The following ZNF716 variants were observed in gnomAD, a reference collection of about 807,000 sequenced individuals.
ZNF716 encodes zinc finger protein 716.
In ZNF716, 9 loss-of-function variants were observed where a neutral mutation model predicts 13.4. The observed-to-expected ratio is 0.67, with a 90% CI of 0.41 to 1.18. The LOEUF is 1.18. Among genes scored for constraint, ZNF716 ranks in the 50% most tolerant of loss-of-function variants. ZNF716 has a pLI of 0.01. For synonymous variants in ZNF716, 186 were observed against 195.2 expected, an observed-to-expected ratio of 0.95 and a Z score of 0.39; for missense variants, 581 against 576.6, an observed-to-expected ratio of 1.01 and a Z score of -0.08.
At chr7:57,451,384 C>G (rs1554321529) in intron 1 of ZNF716, among the ~76,000 whole-genome samples, 1 of 149,034 alleles carries the variant, frequency 6.7e-6, no homozygotes, top group African/African-American at 2.5e-5. Context: ...CCACCTCAGT[C>G]TAATTGGCTG....
At chr7:57,467,592 G>T (rs559101871) in intron 3 of ZNF716, among the ~76,000 whole-genome samples, 1 of 152,156 alleles carries the variant, frequency 6.6e-6, no homozygotes, top group African/African-American at 2.4e-5. Context: ...TGTCTCAGGG[G>T]ACTATGCTTA....
chr7:57,469,166 T>A lies in ZNF716; in HGVS notation c.705T>A (p.His235Gln). ...SSTLTRHKRI[H>Q]TGEKPYRCEE... ...CCCTTACTAGACATAAAAGAATTCA[T>A]ACTGGAGAGAAACCCTACAGATGTG... Residue 235 changes from histidine to glutamine, a missense_variant, in exon 4 of 4, where the codon CAT (histidine) becomes CAA (glutamine). Coordinates refer to ENST00000420713, the MANE Select transcript of ZNF716 (RefSeq NM_001159279.1). 1 of 1,612,470 alleles carries A rather than the reference T, an allele frequency of 6.2e-7. No individual in the cohort carries two copies. The highest frequency in any genetic ancestry group is 8.5e-7 in the Non-Finnish European group (1 of 1,179,224).
intron 1 of ZNF716, among the ~76,000 whole-genome samples, chr7:57,451,476 C>T (rs1789493542): frequency 7.5e-6 from 1 of 134,142 alleles, no homozygotes; most frequent in African/African-American, 2.9e-5. Context: ...GAGATAGAGC[C>T]TCGCAATGTT....
At chr7:57,455,635 G>C (rs1181001318) in intron 1 of ZNF716, among the ~76,000 whole-genome samples, 1 of 151,964 alleles carries the variant, frequency 6.6e-6, no homozygotes, top group Non-Finnish European at 1.5e-5. Flanking sequence ...TCTTGCCTCA[G>C]CCTCCCAAAT....
chr7:57,450,259 G>T lies in ZNF716; in HGVS notation c.-30G>T, dbSNP rs1187867299. On this transcript the variant is annotated 5_prime_UTR_variant, in exon 1 of 4. Coordinates refer to ENST00000420713, the MANE Select transcript of ZNF716 (RefSeq NM_001159279.1). Reference sequence around the variant, plus strand: ...TGCTCCTGGAGGCCAAGCCTCTGTGGCCTTGTGTCCTGCAAGTATTCGCAG... The same window carrying T: ...TGCTCCTGGAGGCCAAGCCTCTGTGTCCTTGTGTCCTGCAAGTATTCGCAG... 3 of 1,613,732 alleles carry T rather than the reference G, an allele frequency of 1.9e-6. No individual in the cohort carries two copies. The African/African-American group carries it at 4.0e-5, about 22-fold the overall frequency.
chr7:57,470,009 T>C lies in ZNF716; in HGVS notation c.*60T>C. 7.0e-7 allele frequency: 1 copy of C among 1,436,368 alleles called. No homozygotes were observed. Among genetic ancestry groups the C allele is most frequent in the South Asian group, 1.5e-5 (1 of 66,476 alleles). The allele number at this position is 1,436,368 out of a possible 1,614,324, so 89.0% of individuals were successfully genotyped here. A position where few individuals can be genotyped will look rare whatever the true frequency, so the allele number is the denominator to read the frequency against. On this transcript the variant is annotated 3_prime_UTR_variant, in exon 4 of 4. Transcript: ENST00000420713. ...ATAAAATAATTTATACTGGAAAAAA[T>C]CACTACAAGTGTGGAGAATGTGGCC...
chr7:57,461,929 G>A (rs1391645419), intron 1 of ZNF716, among the ~76,000 whole-genome samples: 3 of 152,152 alleles, frequency 2.0e-5, no homozygotes, highest in Non-Finnish European at 4.4e-5. Flanking sequence ...GGAGGCCGAG[G>A]TGGGTGGATC....
intron 3 of ZNF716, 48 bp from the exon 4 acceptor site, chr7:57,468,676 T>G (rs782740173): frequency 6.5e-7 from 1 of 1,544,816 alleles, no homozygotes; most frequent in South Asian, 1.3e-5. Flanking sequence ...AAAATATATT[T>G]ATCTGAGTGT....
At chr7:57,460,666 A>C (rs1789692356) in intron 1 of ZNF716, among the ~76,000 whole-genome samples, 1 of 152,012 alleles carries the variant, frequency 6.6e-6, no homozygotes, top group African/African-American at 2.4e-5. Context: ...AAATGTTCCT[A>C]TTGTAGCTGT....
At position 57,473,090 on chromosome 7, in the gene ZNF716, T is replaced by G. The variant is rs1789975417; in HGVS notation, c.*3141T>G. 6.6e-6 allele frequency: 1 copy of G among 152,216 alleles called. No homozygotes were observed. Among genetic ancestry groups the G allele is most frequent in the Non-Finnish European group, 1.5e-5 (1 of 68,044 alleles). 9.4% of individuals were successfully genotyped at this position (152,216 alleles called of 1,614,324 possible). A position where few individuals can be genotyped will look rare whatever the true frequency, so the allele number is the denominator to read the frequency against. On this transcript the variant is annotated 3_prime_UTR_variant, in exon 4 of 4. Coordinates refer to ENST00000420713, the MANE Select transcript of ZNF716 (RefSeq NM_001159279.1). ...GATCATAAAAATTACATGAGTATAA[T>G]TAATACCCATACATTTCTGAGTCTT...
rs782718285 is a variant in ZNF716 at position 57,468,908 on chromosome 7, G to T, written c.447G>T (p.Leu149Phe). ...KGGYNYVNQC[L>F]SATQNKTFQT... ...GTTATAATTATGTTAACCAATGTTT[G>T]TCAGCTACCCAAAACAAAACATTTC... The change falls in exon 4 of 4, where the codon TTG (leucine) becomes TTT (phenylalanine). Residue 149 changes from leucine (L) to phenylalanine (F), a missense_variant. Coordinates refer to ENST00000420713, the MANE Select transcript of ZNF716 (RefSeq NM_001159279.1). The T allele has an allele frequency of 6.2e-7, 1 of 1,610,084 alleles. No individual in the cohort carries two copies. Among genetic ancestry groups the T allele is most frequent in the Non-Finnish European group, 8.5e-7 (1 of 1,176,656 alleles).
At chr7:57,464,178 A>C (rs1411197670) in intron 3 of ZNF716, among the ~76,000 whole-genome samples, 2 of 132,428 alleles carry the variant, frequency 1.5e-5, no homozygotes, top group African/African-American at 5.7e-5. Context: ...CTGGAGTGCA[A>C]TGGTGCAATT....
In ZNF716 at chr7:57,468,867, G is replaced by A. The variant is rs781956725; in HGVS notation, c.406G>A (p.Glu136Lys). 10 of 1,613,520 alleles carry A rather than the reference G, an allele frequency of 6.2e-6. No individual in the cohort carries two copies. Among genetic ancestry groups the A allele is most frequent in the Admixed American group, 1.7e-5 (1 of 59,846 alleles). Reference sequence around the variant, plus strand: ...ATGCTGTAAAAGTGTAGGTGAGTGTGAGGTGCACAAAGGAGGTTATAATTA... The same window carrying A: ...ATGCTGTAAAAGTGTAGGTGAGTGTAAGGTGCACAAAGGAGGTTATAATTA... ...KKCCKSVGEC[E>K]VHKGGYNYVN... Residue 136 changes from glutamate (E) to lysine (K), a missense_variant, in exon 4 of 4, where the codon GAG becomes AAG. Physicochemically the swap from Glu to Lys is moderately conservative, Grantham distance 56 (BLOSUM62 1). Coordinates refer to ENST00000420713, the MANE Select transcript of ZNF716 (RefSeq NM_001159279.1).
At chr7:57,461,715 C>T (rs1364451009) in intron 1 of ZNF716, among the ~76,000 whole-genome samples, 5 of 152,182 alleles carry the variant, frequency 3.3e-5, no homozygotes, top group Non-Finnish European at 1.5e-5. Flanking sequence ...AACTCAGACT[C>T]TATCCCAAAT....
chr7:57,452,060 C>A (rs1448347328), intron 1 of ZNF716, among the ~76,000 whole-genome samples: 5 of 152,172 alleles, frequency 3.3e-5, no homozygotes, highest in Non-Finnish European at 2.9e-5. Flanking sequence ...AGCCACCATG[C>A]CCTTCCTCAG....
rs1238719737 is a variant in ZNF716 at position 57,471,773 on chromosome 7, A to C, written c.*1824A>C. On this transcript the variant is annotated 3_prime_UTR_variant, in exon 4 of 4. Transcript: ENST00000420713. Reference sequence around the variant, plus strand: ...ATGTTTAATCAAAAATTAAGTCTACATAAACATTTGAGGATTCACAGTAGA... The same window carrying C: ...ATGTTTAATCAAAAATTAAGTCTACCTAAACATTTGAGGATTCACAGTAGA... 2.0e-5 allele frequency: 3 copies of C among 152,178 alleles called. No homozygotes were observed. Among genetic ancestry groups the C allele is most frequent in the African/African-American group, 7.2e-5 (3 of 41,462 alleles). 9.4% of individuals were successfully genotyped at this position (152,178 alleles called of 1,614,324 possible). A position where few individuals can be genotyped will look rare whatever the true frequency, so the allele number is the denominator to read the frequency against.
chr7:57,466,467 T>A (rs1789817627), intron 3 of ZNF716, among the ~76,000 whole-genome samples: 1 of 148,170 alleles, frequency 6.7e-6, no homozygotes, highest in Non-Finnish European at 1.5e-5. Context: ...AATCATAGAG[T>A]TCTCACTCTA....
chr7:57,453,099 T>C (rs564451081), intron 1 of ZNF716, among the ~76,000 whole-genome samples: 1 of 152,200 alleles, frequency 6.6e-6, no homozygotes, highest in South Asian at 2.1e-4. Context: ...ATGCGGGTAT[T>C]GAGAGAAAAA....
At chr7:57,454,711 A>G (rs1377416560) in intron 1 of ZNF716, among the ~76,000 whole-genome samples, 13 of 152,186 alleles carry the variant, frequency 8.5e-5, no homozygotes, top group African/African-American at 2.9e-4. Flanking sequence ...GCAAATTCAG[A>G]TATTCAGATT....
Sources: gnomAD v4.1 joint callset for allele counts (sites outside exome capture counted in the v4.1 genomes callset) on GRCh38, gnomAD v4.1.1 for gene constraint, MANE v1.5 for transcripts, NCBI Gene and HGNC (gene_info 2026-07-23, HGNC 2026-07-21) for gene names.